Variants in MAP3K13 observed in about 807,000 individuals in gnomAD.
MAP3K13 encodes leucine zipper-bearing kinase.
Under a neutral mutation model 104.0 loss-of-function variants are expected in MAP3K13, and 52 were observed. That is an observed-to-expected ratio of 0.50 (90% CI 0.40 to 0.63). The LOEUF (loss-of-function observed/expected upper bound fraction) is 0.63, where lower values mean the gene tolerates loss of function less well. Ranked by LOEUF, MAP3K13 falls within the 20% of genes least tolerant of loss-of-function variation. The pLI, the probability that MAP3K13 is intolerant of heterozygous loss-of-function variation, is 0.00. For missense variants in MAP3K13, 914 were observed against 1,218.5 expected (o/e 0.75, Z 3.72); for synonymous variants, 394 against 442.2 (o/e 0.89, Z 1.37).
intron 2 of MAP3K13, among the ~76,000 whole-genome samples, chr3:185,351,770 T>C (rs1723147498): frequency 6.6e-6 from 1 of 152,156 alleles, no homozygotes; most frequent in African/African-American, 2.4e-5. Flanking sequence ...GTAGAGTAAG[T>C]AGCAGTAACA....
At chr3:185,373,664 AT>A (rs1724269210) in intron 1 of MAP3K13, among the ~76,000 whole-genome samples, 1 of 152,100 alleles carries the variant, frequency 6.6e-6, no homozygotes, top group Non-Finnish European at 1.5e-5. Flanking sequence ...AACAAAAAGA[AT>A]ATTTTTCTGA....
chr3:185,407,869 A>AT (rs35693572), intron 1 of MAP3K13, among the ~76,000 whole-genome samples: 3,042 of 69,090 alleles, frequency 0.044, 83 homozygotes, highest in Middle Eastern at 0.06. Context: ...AATTTTGAGA[A>AT]TTTTTTTTTT....
At chr3:185,356,136 G>C (rs1723341901) in intron 2 of MAP3K13, among the ~76,000 whole-genome samples, 1 of 152,174 alleles carries the variant, frequency 6.6e-6, no homozygotes, top group Non-Finnish European at 1.5e-5. Flanking sequence ...TCGAACTTTT[G>C]ATGGTGACAA....
intron 12 of MAP3K13, among the ~76,000 whole-genome samples, chr3:185,479,863 C>T (rs939086737): frequency 2.0e-5 from 3 of 152,172 alleles, no homozygotes; most frequent in African/African-American, 4.8e-5. Context: ...TTGCCCCGCA[C>T]ATGAATGTTG....
At chr3:185,474,593 A>G (rs1472810075) in intron 11 of MAP3K13, among the ~76,000 whole-genome samples, 1 of 152,306 alleles carries the variant, frequency 6.6e-6, no homozygotes, top group East Asian at 1.9e-4. Flanking sequence ...TTTTAAATTA[A>G]CATCTATTAA....
At position 185,454,753 on chromosome 3, in the gene MAP3K13, TGA is replaced by T. The variant is rs1241678400; in HGVS notation, c.1278+3361_1278+3362del. On this transcript the variant is annotated intron_variant, in intron 7 of 13. Transcript: ENST00000265026. ...ATATATGATATATATATCATATATA[TGA>T]GATATATATGACATATATATGAGAT... is the stretch of plus-strand genomic sequence containing the variant. 8.9e-4 allele frequency among the ~76,000 whole-genome samples: 15 copies of T among 16,834 alleles called. 1 individual carries two copies. In the South Asian group the frequency reaches 0.011, roughly 13 times the overall value. 11.0% of individuals were successfully genotyped at this position (16,834 alleles called of 152,430 possible).
At chr3:185,477,806 G>A (rs1326434437) in intron 12 of MAP3K13, among the ~76,000 whole-genome samples, 2 of 152,154 alleles carry the variant, frequency 1.3e-5, no homozygotes, top group Non-Finnish European at 2.9e-5. Context: ...CTGGAGCTGG[G>A]GAAGTTCAAG....
At chr3:185,454,628 T>TATATATTATATATATATG in intron 7 of MAP3K13, among the ~76,000 whole-genome samples, 1 of 52,262 alleles carries the variant, frequency 1.9e-5, no homozygotes, top group Non-Finnish European at 3.9e-5. Context: ...ATATATGAGA[T>TATATATTATATATATATG]ATATATATGA....
At chr3:185,286,072 A>C (rs1375206382) in intron 2 of MAP3K13, among the ~76,000 whole-genome samples, 1 of 152,116 alleles carries the variant, frequency 6.6e-6, no homozygotes, top group African/African-American at 2.4e-5. Flanking sequence ...CCTCAGGTTT[A>C]AGCAAGAAAA....
At chr3:185,424,061 A>T (rs1714282304) in intron 1 of MAP3K13, among the ~76,000 whole-genome samples, 1 of 152,156 alleles carries the variant, frequency 6.6e-6, no homozygotes, top group African/African-American at 2.4e-5. Context: ...CAGTGTAATT[A>T]TTAGTTCCGT....
At position 185,405,619 on chromosome 3, in the gene MAP3K13, C is replaced by A. The variant is rs989746549; in HGVS notation, c.-85-22878C>A. Among the ~76,000 whole-genome samples, 4 of 152,330 alleles carry A rather than the reference C, an allele frequency of 2.6e-5. No individual in the cohort carries two copies. In the Middle Eastern group the frequency reaches 0.01, roughly 389 times the overall value. ...CAGCCTCATCTCTCTCCATCCTTCA[C>A]TCGTTCTTCACTGGTGTAACTCTGA... On this transcript the variant is annotated intron_variant, in intron 1 of 13. Transcript: ENST00000265026.
rs373768218 is a variant in MAP3K13 at position 185,463,369 on chromosome 3, G to A, written c.1279-181G>A. 1.6e-4 allele frequency among the ~76,000 whole-genome samples: 25 copies of A among 152,292 alleles called. 1 individual carries two copies. Among genetic ancestry groups the A allele is most frequent in the Middle Eastern group, 3.4e-3 (1 of 294 alleles). On this transcript the variant is annotated intron_variant, in intron 7 of 13. Coordinates refer to ENST00000265026, the MANE Select transcript of MAP3K13 (RefSeq NM_004721.5). ...TAGAAATATAGAAGTGGGCTGGGGCGTGGAGATATAGTAGCAGGAGATATT... is the reference window on the plus strand; with the variant it reads ...TAGAAATATAGAAGTGGGCTGGGGCATGGAGATATAGTAGCAGGAGATATT...
At chr3:185,413,944 T>C (rs1170816577) in intron 1 of MAP3K13, among the ~76,000 whole-genome samples, 1 of 152,224 alleles carries the variant, frequency 6.6e-6, no homozygotes, top group Admixed American at 6.5e-5. Flanking sequence ...TCATCCAAGT[T>C]TGGAACCTAA....
rs766848325 is a variant in MAP3K13 at position 185,426,073 on chromosome 3, C to CTCTCCT, written c.-85-2421_-85-2420insCCTTCT. Among the ~76,000 whole-genome samples the CTCTCCT allele has an allele frequency of 2.1e-3, 284 of 138,330 alleles. 1 individual carries two copies. The highest frequency in any genetic ancestry group is 3.6e-3 in the Middle Eastern group (1 of 280). The allele number at this position is 138,330 out of a possible 152,430, so 90.7% of individuals were successfully genotyped here. A position where few individuals can be genotyped will look rare whatever the true frequency, so the allele number is the denominator to read the frequency against. On this transcript the variant is annotated intron_variant, in intron 1 of 13. Transcript: ENST00000265026. ...TATTTTCCTCTCCCTCTCCCTCTCC[C>CTCTCCT]TCTTCTCCTTCTTCTTCTTCTTCTT...
chr3:185,448,237 G>A, intron 5 of MAP3K13: 2 of 437,134 alleles, frequency 4.6e-6, no homozygotes, highest in Non-Finnish European at 8.5e-6. Flanking sequence ...TGATCATTTA[G>A]TATAGAAGTC....
chr3:185,290,107 T>C (rs1373440555), intron 2 of MAP3K13, among the ~76,000 whole-genome samples: 1 of 152,212 alleles, frequency 6.6e-6, no homozygotes, highest in Non-Finnish European at 1.5e-5. Context: ...CCATAAAGCT[T>C]ACTTTATCTT....
intron 2 of MAP3K13, among the ~76,000 whole-genome samples, chr3:185,354,654 C>T (rs1326075345): frequency 1.3e-5 from 2 of 151,478 alleles, no homozygotes; most frequent in East Asian, 3.9e-4. Context: ...GTAGGATGGT[C>T]CCATTCAAGG....
intron 1 of MAP3K13, among the ~76,000 whole-genome samples, chr3:185,399,640 GA>G (rs1252439984): frequency 5.7e-3 from 51 of 9,024 alleles, no homozygotes; most frequent in Non-Finnish European, 0.024. Flanking sequence ...GGGGGGGGGG[GA>G]GGGAGGGAGG....
intron 6 of MAP3K13, 45 bp from the exon 7 acceptor site, chr3:185,451,242 T>C (rs116312745): frequency 0.041 from 55,998 of 1,358,740 alleles, 1,388 homozygotes; most frequent in Non-Finnish European, 0.044. Flanking sequence ...TTCATTCTCC[T>C]GGATACAACT....
Sources: gnomAD v4.1 joint callset for allele counts (sites outside exome capture counted in the v4.1 genomes callset) on GRCh38, gnomAD v4.1.1 for gene constraint, MANE v1.5 for transcripts, NCBI Gene and HGNC (gene_info 2026-07-23, HGNC 2026-07-21) for gene names.